Variants in SPECC1L observed in about 807,000 individuals in gnomAD.
SPECC1L encodes the protein cytospin-A.
In SPECC1L, 40 loss-of-function variants were observed where a neutral mutation model predicts 116.8. That is an observed-to-expected ratio of 0.34 (90% CI 0.27 to 0.45). The LOEUF is 0.45. SPECC1L is among the 20% of genes least tolerant of loss of function. SPECC1L has a pLI of 1.00. For synonymous variants in SPECC1L, 504 were observed against 500.6 expected (o/e 1.01, Z -0.09); for missense variants, 1,110 against 1,373.6 (o/e 0.81, Z 3.03).
chr22:24,407,432 C>T (rs1486816179), intron 14 of SPECC1L, among the ~76,000 whole-genome samples: 1 of 152,162 alleles, frequency 6.6e-6, no homozygotes, highest in Non-Finnish European at 1.5e-5. Flanking sequence ...TTCCCACAGC[C>T]AGGCGGATGG....
chr22:24,343,456 T>TTTTTG (rs1023734904), intron 10 of SPECC1L: 14 of 448,816 alleles, frequency 3.1e-5, no homozygotes, highest in East Asian at 2.9e-4. Flanking sequence ...TTGTGTTTTT[T>TTTTTG]TTTTGTTTTG....
chr22:24,324,119 T>C, intron 5 of SPECC1L, 101 bp from the exon 6 acceptor site: 2 of 949,014 alleles, frequency 2.1e-6, no homozygotes, highest in Non-Finnish European at 3.4e-6. Flanking sequence ...CCATAGTGCC[T>C]CATACTTAGC....
rs566247104 is a variant in SPECC1L, at chr22:24,407,636, G to A, written c.3088-3952G>A. 9.8e-5 allele frequency among the ~76,000 whole-genome samples: 15 copies of A among 152,338 alleles called. No homozygotes were observed. In the South Asian group the frequency reaches 2.1e-3, roughly 21 times the overall value. ...ATTGGCCTCACACAGAGCTCCACAC[G>A]TTATTAAGAAGCTTCCTGGCCCCCT... On this transcript the variant is annotated intron_variant, in intron 14 of 16. Coordinates refer to ENST00000314328, the MANE Select transcript of SPECC1L (RefSeq NM_015330.6).
At chr22:24,371,110 G>GA (rs1449657588) in intron 14 of SPECC1L, among the ~76,000 whole-genome samples, 3 of 151,236 alleles carry the variant, frequency 2.0e-5, no homozygotes, top group Admixed American at 6.6e-5. Flanking sequence ...ACTGCAAAAA[G>GA]AAAAAAAAGA....
At chr22:24,405,080 C>T (rs1227012118) in intron 14 of SPECC1L, among the ~76,000 whole-genome samples, 2 of 152,222 alleles carry the variant, frequency 1.3e-5, no homozygotes, top group East Asian at 3.8e-4. Flanking sequence ...AAAACAAATC[C>T]ACACACTGGT....
chr22:24,350,644 G>A (rs1222003651), intron 11 of SPECC1L, among the ~76,000 whole-genome samples: 1 of 152,160 alleles, frequency 6.6e-6, no homozygotes, highest in Non-Finnish European at 1.5e-5. Context: ...TACACAAGTT[G>A]TGTCCTAGGC....
At chr22:24,336,369 C>T (rs1265450194) in intron 9 of SPECC1L, among the ~76,000 whole-genome samples, 1 of 151,598 alleles carries the variant, frequency 6.6e-6, no homozygotes, top group Non-Finnish European at 1.5e-5. Context: ...ATTTAAAGTG[C>T]AAGAAAGATG....
intron 5 of SPECC1L, among the ~76,000 whole-genome samples, chr22:24,323,726 T>A (rs2040765686): frequency 6.6e-6 from 1 of 152,232 alleles, no homozygotes; most frequent in Non-Finnish European, 1.5e-5. Flanking sequence ...AGTGATCACT[T>A]TTAAAGTTAC....
At chr22:24,301,395 A>G (rs888341982) in intron 2 of SPECC1L, among the ~76,000 whole-genome samples, 14 of 152,230 alleles carry the variant, frequency 9.2e-5, no homozygotes, top group African/African-American at 1.7e-4. Context: ...GTTACATCCT[A>G]TAAACCCCTC....
In SPECC1L at chr22:24,414,821, A is replaced by T; in HGVS notation, c.*198A>T. 1 of 608,036 alleles carries T rather than the reference A, an allele frequency of 1.6e-6. No homozygotes were observed. Among genetic ancestry groups the T allele is most frequent in the Non-Finnish European group, 3.0e-6 (1 of 335,028 alleles). The allele number at this position is 608,036 out of a possible 1,614,324, so 37.7% of individuals were successfully genotyped here. The stretch of plus-strand genomic sequence containing the variant: ...CACAGCTCCCACCAGGGCCCCTCCC[A>T]CATGACCCGTCCATTCAGGTCATGT... On this transcript the variant is annotated 3_prime_UTR_variant, in exon 17 of 17. Transcript: ENST00000314328.
At chr22:24,315,921 C>T (rs992212690) in intron 4 of SPECC1L, among the ~76,000 whole-genome samples, 2 of 152,232 alleles carry the variant, frequency 1.3e-5, no homozygotes, top group African/African-American at 2.4e-5. Context: ...CCTCCTCTTA[C>T]AAGAACGCCA....
intron 3 of SPECC1L, among the ~76,000 whole-genome samples, chr22:24,312,153 T>C (rs1323724746): frequency 6.6e-6 from 1 of 152,110 alleles, no homozygotes; most frequent in Admixed American, 6.5e-5. Flanking sequence ...TCAAATTTTT[T>C]GTAGAAACGG....
At chr22:24,395,126 C>T (rs1248899539) in intron 14 of SPECC1L, among the ~76,000 whole-genome samples, 1 of 152,146 alleles carries the variant, frequency 6.6e-6, no homozygotes, top group African/African-American at 2.4e-5. Flanking sequence ...CAGCGCCTGG[C>T]CAGAAATTCT....
At chr22:24,300,160 G>T (rs1330862948) in intron 2 of SPECC1L, among the ~76,000 whole-genome samples, 3 of 152,148 alleles carry the variant, frequency 2.0e-5, no homozygotes, top group Non-Finnish European at 4.4e-5. Flanking sequence ...ACAGGCCCTG[G>T]TGTGTGTTGT....
At chr22:24,316,869 C>G in intron 4 of SPECC1L, among the ~76,000 whole-genome samples, 1 of 132,044 alleles carries the variant, frequency 7.6e-6, no homozygotes, top group African/African-American at 2.8e-5. Flanking sequence ...GCAGAGGCGC[C>G]CCTCACCTCC....
At chr22:24,378,587 G>A (rs930187391) in intron 14 of SPECC1L, among the ~76,000 whole-genome samples, 7 of 152,190 alleles carry the variant, frequency 4.6e-5, no homozygotes, top group South Asian at 2.1e-4. Context: ...AAAGATGTGC[G>A]AGTCTTCCTT....
chr22:24,324,062 C>G (rs1388977951), intron 5 of SPECC1L, among the ~76,000 whole-genome samples, 158 bp from the exon 6 acceptor site: 1 of 152,188 alleles, frequency 6.6e-6, no homozygotes, highest in African/African-American at 2.4e-5. Context: ...CCATGGAGTG[C>G]TTTTTCATAC....
At chr22:24,303,118 C>T (rs2049415628) in intron 3 of SPECC1L, among the ~76,000 whole-genome samples, 1 of 152,076 alleles carries the variant, frequency 6.6e-6, no homozygotes, top group African/African-American at 2.4e-5. Context: ...TATGCATGCA[C>T]AACTGGAAAC....
intron 2 of SPECC1L, among the ~76,000 whole-genome samples, chr22:24,296,051 T>A (rs3966232): frequency 1.2e-4 from 18 of 152,230 alleles, no homozygotes; most frequent in Non-Finnish European, 1.9e-4. Context: ...ACGGTTTGTT[T>A]ATATGTTGTG....
Sources: gnomAD v4.1 joint callset for allele counts (sites outside exome capture counted in the v4.1 genomes callset) on GRCh38, gnomAD v4.1.1 for gene constraint, MANE v1.5 for transcripts, NCBI Gene and HGNC (gene_info 2026-07-23, HGNC 2026-07-21) for gene names.